Variants in KLF8 observed in about 807,000 individuals in gnomAD.
KLF8 encodes the protein KLF transcription factor 8.
In KLF8, 10 loss-of-function variants were observed where a neutral mutation model predicts 18.2. The observed-to-expected ratio is 0.55, with a 90% CI of 0.34 to 0.93. The LOEUF (loss-of-function observed/expected upper bound fraction) is 0.93, where lower values mean the gene tolerates loss of function less well. KLF8 is among the 40% of genes least tolerant of loss of function. The pLI, the probability that KLF8 is intolerant of heterozygous loss-of-function variation, is 0.02. For missense variants in KLF8, 264 were observed against 277.9 expected (o/e 0.95, Z 0.36); for synonymous variants, 109 against 97.3 (o/e 1.12, Z -0.71).
the KLF8 span, among the ~76,000 whole-genome samples, chrX:55,964,607 A>G: frequency 1.8e-5 from 2 of 111,354 alleles, no homozygotes; most frequent in African/African-American, 6.5e-5. Context: ...CAAAACATCA[A>G]TGAAATCAAA....
the KLF8 span, among the ~76,000 whole-genome samples, chrX:56,211,135 T>G: frequency 8.9e-6 from 1 of 112,049 alleles, no homozygotes. Context: ...GTATTTATTG[T>G]AGTCTCCACT....
the KLF8 span, among the ~76,000 whole-genome samples, chrX:56,138,721 G>A: frequency 9.0e-6 from 1 of 111,223 alleles, no homozygotes; most frequent in African/African-American, 3.3e-5. Context: ...TACTGAATGG[G>A]CAAAAGCTGG....
the KLF8 span, among the ~76,000 whole-genome samples, chrX:56,194,616 C>T: frequency 8.9e-6 from 1 of 112,709 alleles, no homozygotes; most frequent in African/African-American, 3.2e-5. Context: ...CTAGACTCCA[C>T]CTCTGTGGGC....
the KLF8 span, among the ~76,000 whole-genome samples, chrX:55,941,003 T>A: frequency 1.8e-5 from 2 of 111,675 alleles, no homozygotes; most frequent in Non-Finnish European, 3.8e-5. Context: ...ATGACTTTCT[T>A]CACAGAGTTG....
the KLF8 span, among the ~76,000 whole-genome samples, chrX:56,217,011 G>A: frequency 8.9e-6 from 1 of 111,836 alleles, no homozygotes; most frequent in Non-Finnish European, 1.9e-5. Context: ...ACAGATGTCT[G>A]TCTGTTTAAT....
At chrX:56,263,597 G>A (rs1345453589) in intron 2 of KLF8, among the ~76,000 whole-genome samples, 2 of 111,368 alleles carry the variant, frequency 1.8e-5, no homozygotes, top group African/African-American at 3.3e-5. Context: ...TAAAGTCAGA[G>A]CAAGAAGACA....
chrX:55,989,111 A>G, the KLF8 span, among the ~76,000 whole-genome samples: 2 of 111,839 alleles, frequency 1.8e-5, no homozygotes, highest in South Asian at 3.8e-4. Context: ...GGCTGAGACA[A>G]TGGGGTTTTC....
chrX:56,203,114 C>T, the KLF8 span, among the ~76,000 whole-genome samples: 1 of 111,800 alleles, frequency 8.9e-6, no homozygotes, highest in Non-Finnish European at 1.9e-5. Context: ...TGGATAAAAG[C>T]TATTTTTAAC....
At chrX:55,964,254 A>G in the KLF8 span, among the ~76,000 whole-genome samples, 2 of 111,987 alleles carry the variant, frequency 1.8e-5, no homozygotes, top group South Asian at 7.5e-4. Flanking sequence ...CCAAAGAAAA[A>G]TAACAAAAAT....
the KLF8 span, among the ~76,000 whole-genome samples, chrX:56,196,535 A>C: frequency 1.8e-5 from 2 of 112,490 alleles, no homozygotes; most frequent in African/African-American, 6.5e-5. Context: ...TCAATTGAAC[A>C]AGAAGAGCTA....
the KLF8 span, among the ~76,000 whole-genome samples, chrX:56,078,309 A>G: frequency 8.9e-6 from 1 of 112,152 alleles, no homozygotes; most frequent in African/African-American, 3.2e-5. Context: ...ATTTTGAGAT[A>G]CATCCCATCA....
chrX:56,044,770 A>G, the KLF8 span, among the ~76,000 whole-genome samples: 3 of 112,253 alleles, frequency 2.7e-5, no homozygotes, highest in East Asian at 8.4e-4. Context: ...GCTGGATGGG[A>G]TTCCAAGCCA....
At chrX:56,064,845 A>G in the KLF8 span, among the ~76,000 whole-genome samples, 1 of 111,596 alleles carries the variant, frequency 9.0e-6, no homozygotes, top group African/African-American at 3.3e-5. Context: ...TCATCCATTT[A>G]CGAAAAGTTC....
the KLF8 span, among the ~76,000 whole-genome samples, chrX:56,008,535 G>T: frequency 2.7e-5 from 3 of 112,145 alleles, no homozygotes; most frequent in Non-Finnish European, 5.6e-5. Context: ...CAGATCAGGA[G>T]ATCCCCTCAT....
upstream of KLF8, among the ~76,000 whole-genome samples, chrX:56,232,269 G>A (rs757521374): frequency 9.0e-6 from 1 of 111,542 alleles, no homozygotes; most frequent in South Asian, 3.8e-4. Context: ...CGCCGGAGGC[G>A]AGGCCAGCTC....
chrX:56,213,320 T>TC, the KLF8 span, among the ~76,000 whole-genome samples: 1 of 73,712 alleles, frequency 1.4e-5, no homozygotes, highest in African/African-American at 5.1e-5. Flanking sequence ...TTTTCTTTTT[T>TC]TTTTTTTTTT....
At chrX:55,950,139 TC>T in the KLF8 span, among the ~76,000 whole-genome samples, 1 of 111,367 alleles carries the variant, frequency 9.0e-6, no homozygotes, top group Non-Finnish European at 1.9e-5. Flanking sequence ...ATTATGTCCT[TC>T]TGCAGTGTTC....
At chrX:56,055,108 T>A in the KLF8 span, among the ~76,000 whole-genome samples, 2 of 111,723 alleles carry the variant, frequency 1.8e-5, no homozygotes, top group Non-Finnish European at 3.8e-5. Flanking sequence ...GTACATTTGA[T>A]CTTGTCAACA....
chrX:56,166,354 G>T, the KLF8 span, among the ~76,000 whole-genome samples: 22 of 111,857 alleles, frequency 2.0e-4, no homozygotes, highest in Non-Finnish European at 4.1e-4. Context: ...CTTTGCTGCT[G>T]CCTTGATTTG....
Sources: allele counts gnomAD v4.1 joint callset (sites outside exome capture counted in the v4.1 genomes callset), GRCh38; gene constraint gnomAD v4.1.1; transcripts MANE v1.5; gene names NCBI Gene and HGNC (gene_info 2026-07-23, HGNC 2026-07-21).